Variants in DNMT3A observed in about 807,000 individuals in gnomAD.
DNMT3A encodes the protein DNA (cytosine-5)-methyltransferase 3A.
DNMT3A carries 267 observed loss-of-function variants against 117.6 expected under a neutral mutation model. The observed-to-expected ratio is 2.27, with a 90% CI of 2.05 to 2.51. The LOEUF (loss-of-function observed/expected upper bound fraction) is 2.51. Ranked by LOEUF, DNMT3A falls within the 30% of genes most tolerant of loss-of-function variation. The pLI is 0.00. For missense variants in DNMT3A, 1,029 were observed against 1,260.2 expected, an observed-to-expected ratio of 0.82 and a Z score of 2.78; for synonymous variants, 432 against 474.8, an observed-to-expected ratio of 0.91 and a Z score of 1.17.
In DNMT3A at chr2:25,296,750, C is replaced by G. The variant is rs1169562549; in HGVS notation, c.177+3389G>C. On this transcript the variant is annotated intron_variant, in intron 3 of 22. Coordinates refer to ENST00000321117, the MANE Select transcript of DNMT3A (RefSeq NM_022552.5). The surrounding 1 kb of genome is among the most constrained non-coding windows in gnomAD (Gnocchi z 4.2). ...GGCAGAAGGCACCCAGGGACAGATG[C>G]CTGTTGAAGGCCAAGACAGACAGTC... Among the ~76,000 whole-genome samples, 2 of 152,198 alleles carry G rather than the reference C, an allele frequency of 1.3e-5. No homozygotes were observed. The highest frequency in any genetic ancestry group is 2.9e-5 in the Non-Finnish European group (2 of 68,024).
intron 1 of DNMT3A, among the ~76,000 whole-genome samples, chr2:25,318,698 CTTTTTTTTTTT>C (rs375722790): frequency 2.3e-4 from 31 of 132,262 alleles, no homozygotes; most frequent in Middle Eastern, 8.4e-3. Flanking sequence ...TTTTTCTTTT[CTTTTTTTTTTT>C]TTTTTTGAGA....
intron 4 of DNMT3A, among the ~76,000 whole-genome samples, chr2:25,277,740 A>C (rs2031548447): frequency 6.6e-6 from 1 of 152,110 alleles, no homozygotes. Context: ...CTTGTTCAGC[A>C]CTTAAATTTT....
intron 6 of DNMT3A, among the ~76,000 whole-genome samples, chr2:25,261,673 T>C (rs947075588): frequency 2.6e-5 from 4 of 151,850 alleles, no homozygotes; most frequent in African/African-American, 9.7e-5. Context: ...AGTAAAGGGC[T>C]GCATAGATAG....
At chr2:25,341,952 C>CCTGCCTCGCTCGCTCG, upstream of DNMT3A, 1 of 972,790 alleles carries the variant, frequency 1.0e-6, no homozygotes, top group Non-Finnish European at 1.2e-6. Context: ...GGCCCGCCTG[C>CCTGCCTCGCTCGCTCG]CTGCCTCGCT....
rs753097936 is a variant in DNMT3A at position 25,246,215 on chromosome 2, C to G, written c.1374G>C (p.Arg458=). The change falls in exon 11 of 23, where the codon CGG becomes CGC. Residue 458 remains arginine, a synonymous_variant. Transcript: ENST00000321117. ...YAPPPPAKKP[R]KSTAEKPKVK... Reference sequence around the variant, plus strand: ...CCTTGGGCTTCTCCGCTGTGCTCTTCCGGGGCTTTTTGGCTGGTGGAGGTG... The same window carrying G: ...CCTTGGGCTTCTCCGCTGTGCTCTTGCGGGGCTTTTTGGCTGGTGGAGGTG... 3 of 1,614,166 alleles carry G rather than the reference C, an allele frequency of 1.9e-6. No individual in the cohort carries two copies. The South Asian group carries it at 3.3e-5, about 18-fold the overall frequency.
Position 25,327,164 on chromosome 2 carries a change from C to T in DNMT3A, c.-177-13003G>A, listed in dbSNP as rs998383431. ...TTCTCATATCTATTATTTTTGTATTCTTTGGAGTTATTTTTACTTCTTACT... is the reference window on the plus strand; with the variant it reads ...TTCTCATATCTATTATTTTTGTATTTTTTGGAGTTATTTTTACTTCTTACT... On this transcript the variant is annotated intron_variant, in intron 1 of 22. Coordinates refer to ENST00000321117, the MANE Select transcript of DNMT3A (RefSeq NM_022552.5). This position sits in a 1 kb window ranked among gnomAD's most constrained non-coding sequence, Gnocchi z 4.1. Among the ~76,000 whole-genome samples, 6 of 152,160 alleles carry T rather than the reference C, an allele frequency of 3.9e-5. No individual in the cohort carries two copies. Among genetic ancestry groups the T allele is most frequent in the Middle Eastern group, 3.2e-3 (1 of 316 alleles).
At chr2:25,269,581 G>A (rs1037609928) in intron 6 of DNMT3A, among the ~76,000 whole-genome samples, 2 of 152,136 alleles carry the variant, frequency 1.3e-5, no homozygotes, top group Non-Finnish European at 2.9e-5. Context: ...TGTGGAGGTC[G>A]AAGGGTTGAA....
At position 25,228,931 on chromosome 2, in the gene DNMT3A, AG is replaced by A. The variant is rs537968397; in HGVS notation, c.*5347del. 6 of 152,318 alleles carry A rather than the reference AG, an allele frequency of 3.9e-5. No homozygotes were observed. Among genetic ancestry groups the A allele is most frequent in the South Asian group, 4.2e-4 (2 of 4,816 alleles). The allele number at this position is 152,318 out of a possible 1,614,324, so 9.4% of individuals were successfully genotyped here. On this transcript the variant is annotated 3_prime_UTR_variant, in exon 23 of 23. Coordinates refer to ENST00000321117, the MANE Select transcript of DNMT3A (RefSeq NM_022552.5). The stretch of plus-strand genomic sequence containing the variant: ...CCCTCCTCACCCCCCAGTGGAGCTG[AG>A]CCAGGGAGCTTTCCAGTTACGGGAG...
intron 5 of DNMT3A, 126 bp from the exon 6 acceptor site, chr2:25,275,213 G>T: frequency 7.4e-7 from 1 of 1,344,084 alleles, no homozygotes; most frequent in Non-Finnish European, 9.8e-7. Flanking sequence ...GGGAGTGCTG[G>T]GCAGGCCCCG....
upstream of DNMT3A, among the ~76,000 whole-genome samples, chr2:25,342,167 C>T (rs1328597343): frequency 6.9e-6 from 1 of 145,086 alleles, no homozygotes; most frequent in Non-Finnish European, 1.5e-5. The surrounding 1 kb of genome is among the most constrained non-coding windows in gnomAD (Gnocchi z 5.9). Flanking sequence ...GCAGCGCCGA[C>T]TGGGGGGCCC....
In DNMT3A at chr2:25,252,427, CGG is replaced by C; in HGVS notation, c.640-4177_640-4176del. On this transcript the variant is annotated intron_variant, in intron 6 of 22. Coordinates refer to ENST00000321117, the MANE Select transcript of DNMT3A (RefSeq NM_022552.5). This position sits in a 1 kb window ranked among gnomAD's most constrained non-coding sequence, Gnocchi z 5.5. ...AGGGCCTGGTTGGCTGCGAGCGGCC[CGG>C]GGAGGGGGCCGGCGCTCCGACGCTG... 2.3e-6 allele frequency: 1 copy of C among 435,376 alleles called. No individual in the cohort carries two copies. The highest frequency in any genetic ancestry group is 3.7e-5 in the East Asian group (1 of 27,172). 27.0% of individuals were successfully genotyped at this position (435,376 alleles called of 1,614,324 possible).
Position 25,237,115 on chromosome 2 carries a change from G to T in DNMT3A, c.2409-110C>A, listed in dbSNP as rs2149261818. Reference sequence around the variant, plus strand: ...CAGCAGCCACTAGTTCACAGGGTAAGAGCCCCTTCCCCAAATCACGCACAC... The same window carrying T: ...CAGCAGCCACTAGTTCACAGGGTAATAGCCCCTTCCCCAAATCACGCACAC... On this transcript the variant is annotated intron_variant, in intron 20 of 22. Coordinates refer to ENST00000321117, the MANE Select transcript of DNMT3A (RefSeq NM_022552.5). This position sits in a 1 kb window ranked among gnomAD's most constrained non-coding sequence, Gnocchi z 5.4. 9.3e-7 allele frequency: 1 copy of T among 1,077,202 alleles called. No individual in the cohort carries two copies. The highest frequency in any genetic ancestry group is 2.5e-5 in the East Asian group (1 of 39,748). 66.7% of individuals were successfully genotyped at this position (1,077,202 alleles called of 1,614,324 possible).
chr2:25,341,814 G>A lies in DNMT3A; in HGVS notation c.-178+12C>T, dbSNP rs1258196141. 2 of 979,402 alleles carry A rather than the reference G, an allele frequency of 2.0e-6. No homozygotes were observed. The highest frequency in any genetic ancestry group is 3.6e-5 in the African/African-American group (2 of 56,278). 60.7% of individuals were successfully genotyped at this position (979,402 alleles called of 1,614,324 possible). A position where few individuals can be genotyped will look rare whatever the true frequency, so the allele number is the denominator to read the frequency against. ...GCCGGCCTTCCGGGCCGCCAGCAGC[G>A]GCGCTCATTACCGTATGGCCGGTGG... On this transcript the variant is annotated intron_variant, in intron 1 of 22. Transcript: ENST00000321117.
intron 19 of DNMT3A, chr2:25,239,654 G>A: frequency 2.2e-6 from 1 of 455,944 alleles, no homozygotes; most frequent in Non-Finnish European, 4.6e-6. Context: ...AGCGAGTATG[G>A]GTGTGTTTAC....
rs1396364305 is a variant in DNMT3A at position 25,304,289 on chromosome 2, T to A, written c.73-4046A>T. 6.6e-6 allele frequency among the ~76,000 whole-genome samples: 1 copy of A among 152,162 alleles called. No individual in the cohort carries two copies. The highest frequency in any genetic ancestry group is 2.4e-5 in the African/African-American group (1 of 41,426). ...ACCTCCCTGAGTCTTGCTTTCCTCA[T>A]CTATAAAATGGGATGATATCTACTT... is the stretch of plus-strand genomic sequence containing the variant. On this transcript the variant is annotated intron_variant, in intron 2 of 22. Coordinates refer to ENST00000321117, the MANE Select transcript of DNMT3A (RefSeq NM_022552.5). This position sits in a 1 kb window ranked among gnomAD's most constrained non-coding sequence, Gnocchi z 4.3.
At chr2:25,288,138 A>G (rs1317411262) in intron 3 of DNMT3A, among the ~76,000 whole-genome samples, 3 of 144,436 alleles carry the variant, frequency 2.1e-5, no homozygotes, top group African/African-American at 7.7e-5. Flanking sequence ...GCCTGGCTTA[A>G]GAAACACTTT....
At chr2:25,238,785 C>T (rs893017117) in intron 20 of DNMT3A, among the ~76,000 whole-genome samples, 1 of 152,218 alleles carries the variant, frequency 6.6e-6, no homozygotes, top group Non-Finnish European at 1.5e-5. Context: ...AGCCATGCCC[C>T]ATGGCTTTGC....
chr2:25,228,395 A>C lies in DNMT3A; in HGVS notation c.*5884T>G, dbSNP rs1000802799. 6.6e-6 allele frequency: 1 copy of C among 151,794 alleles called. No individual in the cohort carries two copies. Among genetic ancestry groups the C allele is most frequent in the African/African-American group, 2.4e-5 (1 of 41,288 alleles). The allele number at this position is 151,794 out of a possible 1,614,324, so 9.4% of individuals were successfully genotyped here. A position where few individuals can be genotyped will look rare whatever the true frequency, so the allele number is the denominator to read the frequency against. On this transcript the variant is annotated 3_prime_UTR_variant, in exon 23 of 23. Transcript: ENST00000321117. ...TTTAGCTGCGTGGAATGTGGAGTAA[A>C]AGTGCTCTGCCACCGGGGTCAAAGC...
chr2:25,270,603 G>GGGA (rs1316108757), intron 6 of DNMT3A, among the ~76,000 whole-genome samples: 2 of 152,060 alleles, frequency 1.3e-5, no homozygotes, highest in African/African-American at 4.8e-5. Flanking sequence ...TGCCTTTTTT[G>GGGA]GGAGGAGGAG....
Sources: allele counts gnomAD v4.1 joint callset (sites outside exome capture counted in the v4.1 genomes callset), GRCh38; gene constraint gnomAD v4.1.1; non-coding constraint Gnocchi (gnomAD v3.1); transcripts MANE v1.5; gene names NCBI Gene and HGNC (gene_info 2026-07-23, HGNC 2026-07-21).